The following RUNX1T1 variants were observed in gnomAD, a reference collection of about 807,000 sequenced individuals.
RUNX1T1 encodes the protein RUNX1 partner transcriptional co-repressor 1, also known as protein CBFA2T1.
In RUNX1T1, 4 loss-of-function variants were observed where a neutral mutation model predicts 62.8. The observed-to-expected ratio is 0.06, with a 90% CI of 0.03 to 0.15. The LOEUF is 0.15. RUNX1T1 is among the 10% of genes least tolerant of loss of function. The pLI, the probability that RUNX1T1 is intolerant of heterozygous loss-of-function variation, is 1.00. For synonymous variants in RUNX1T1, 291 were observed against 286.0 expected (o/e 1.02, Z -0.18); for missense variants, 508 against 754.3 (o/e 0.67, Z 3.82).
intron 1 of RUNX1T1, among the ~76,000 whole-genome samples, chr8:92,090,939 G>A (rs998711685): frequency 6.6e-6 from 1 of 152,140 alleles, no homozygotes; most frequent in Non-Finnish European, 1.5e-5. Flanking sequence ...GGTTGGTGAA[G>A]GACAGGCTCA....
intron 1 of RUNX1T1, among the ~76,000 whole-genome samples, chr8:92,018,837 C>A (rs1563769530): frequency 6.6e-6 from 1 of 152,160 alleles, no homozygotes; most frequent in South Asian, 2.1e-4. Flanking sequence ...AGTATTTGCA[C>A]AATAAGCTGT....
intron 1 of RUNX1T1, among the ~76,000 whole-genome samples, chr8:92,024,813 C>T (rs926484505): frequency 2.0e-5 from 3 of 152,092 alleles, no homozygotes; most frequent in African/African-American, 7.2e-5. Context: ...CTTCTTAGAC[C>T]CTTTTCAAAT....
intron 5 of RUNX1T1, 139 bp from the exon 7 acceptor site, chr8:91,992,028 A>C (rs750694411): frequency 1.1e-6 from 1 of 890,520 alleles, no homozygotes; most frequent in Non-Finnish European, 1.7e-6. Context: ...TTCCCAGAAA[A>C]CATACGGGAA....
intron 1 of RUNX1T1, among the ~76,000 whole-genome samples, chr8:92,034,777 CACATATATATATACATATAT>C (rs1427117698): frequency 1.0e-4 from 12 of 118,998 alleles, no homozygotes; most frequent in African/African-American, 2.6e-4. Context: ...CATATATATA[CACATATATATATACATATAT>C]ACACACACAC....
At chr8:92,095,487 G>A in intron 1 of RUNX1T1, 1 of 1,527,926 alleles carries the variant, frequency 6.5e-7, no homozygotes, top group Non-Finnish European at 8.7e-7. Flanking sequence ...GTGAGTGTGT[G>A]AGCGCAGGAG....
At chr8:91,979,153 C>T (rs1177677851) in intron 8 of RUNX1T1, among the ~76,000 whole-genome samples, 1 of 152,000 alleles carries the variant, frequency 6.6e-6, no homozygotes, top group East Asian at 1.9e-4. Flanking sequence ...TATTTGATAC[C>T]TTGATAAACA....
intron 10 of RUNX1T1, among the ~76,000 whole-genome samples, chr8:91,961,555 C>T (rs1393220831): frequency 6.6e-6 from 1 of 152,212 alleles, no homozygotes; most frequent in Admixed American, 6.5e-5. Flanking sequence ...ATAAATGCAT[C>T]ACGAATTAGA....
Position 92,095,858 on chromosome 8 carries a change from G to T in RUNX1T1, c.-86+3722C>A, listed in dbSNP as rs1248756346. Among the ~76,000 whole-genome samples the T allele has an allele frequency of 2.0e-5, 3 of 152,170 alleles. No homozygotes were observed. In the South Asian group the frequency reaches 6.2e-4, roughly 31 times the overall value. ...GCAAACTGTATTTCCCTGCTCCAGG[G>T]CTAGGCTGGAACATGTTCGAGATTC... On this transcript the variant is annotated intron_variant, in intron 1 of 11. Coordinates refer to the RUNX1T1 transcript ENST00000265814.
At chr8:92,041,090 G>A (rs1587244989) in intron 1 of RUNX1T1, among the ~76,000 whole-genome samples, 1 of 152,082 alleles carries the variant, frequency 6.6e-6, no homozygotes, top group Admixed American at 6.5e-5. Context: ...CTTTACATGA[G>A]TTAACTCATT....
chr8:91,982,087 A>G (rs1244482435), intron 8 of RUNX1T1, among the ~76,000 whole-genome samples: 1 of 151,878 alleles, frequency 6.6e-6, no homozygotes, highest in Non-Finnish European at 1.5e-5. Context: ...CCTACAAAAA[A>G]TACAAAAAAA....
At chr8:91,962,478 A>G (rs1442124060) in intron 10 of RUNX1T1, among the ~76,000 whole-genome samples, 2 of 152,216 alleles carry the variant, frequency 1.3e-5, no homozygotes, top group Admixed American at 1.3e-4. Context: ...ACTTCAATTA[A>G]TTTAAGAAAC....
At chr8:91,968,292 C>T (rs1045756938) in intron 10 of RUNX1T1, among the ~76,000 whole-genome samples, 71 of 152,060 alleles carry the variant, frequency 4.7e-4, no homozygotes, top group African/African-American at 1.5e-3. Context: ...AGGGGGCGCT[C>T]GTAATAATTA....
At chr8:92,067,908 A>G (rs1833108436), upstream of RUNX1T1, among the ~76,000 whole-genome samples, 1 of 152,212 alleles carries the variant, frequency 6.6e-6, no homozygotes, top group Non-Finnish European at 1.5e-5. Context: ...AATTTTTTGA[A>G]ATGCTATAAC....
At chr8:92,075,494 T>G (rs535050460) in intron 2 of RUNX1T1, among the ~76,000 whole-genome samples, 1 of 152,190 alleles carries the variant, frequency 6.6e-6, no homozygotes, top group African/African-American at 2.4e-5. Context: ...TGCCTAAAAG[T>G]TTTTTAAAAA....
intron 8 of RUNX1T1, among the ~76,000 whole-genome samples, chr8:91,978,340 A>G (rs754371880): frequency 2.0e-5 from 3 of 152,184 alleles, no homozygotes; most frequent in Non-Finnish European, 4.4e-5. Flanking sequence ...ACTGCTGTGA[A>G]GATTGAAGGA....
chr8:92,085,502 T>C (rs1031813795), intron 1 of RUNX1T1, among the ~76,000 whole-genome samples: 7 of 152,240 alleles, frequency 4.6e-5, no homozygotes, highest in Admixed American at 1.3e-4. Context: ...TCAACACACA[T>C]AAATGTTTCA....
At chr8:92,090,553 G>A (rs564038035) in intron 1 of RUNX1T1, among the ~76,000 whole-genome samples, 1 of 152,288 alleles carries the variant, frequency 6.6e-6, no homozygotes, top group South Asian at 2.1e-4. Flanking sequence ...AGGTGGTACT[G>A]AGGAATATAG....
intron 5 of RUNX1T1, among the ~76,000 whole-genome samples, chr8:92,001,914 T>C (rs1433579882): frequency 6.6e-6 from 1 of 152,200 alleles, no homozygotes; most frequent in Non-Finnish European, 1.5e-5. Flanking sequence ...AACAGTTCTT[T>C]TCCCTCTTCC....
exon 11 of RUNX1T1, chr8:91,960,503 A>G (rs1409268559): frequency 6.2e-7 from 1 of 1,614,128 alleles, no homozygotes; most frequent in African/African-American, 1.3e-5. Context: ...CTTTACGGCC[A>G]CAATTCCAGC....
Sources: allele counts gnomAD v4.1 joint callset (sites outside exome capture counted in the v4.1 genomes callset), GRCh38; gene constraint gnomAD v4.1.1; transcripts MANE v1.5; gene names NCBI Gene and HGNC (gene_info 2026-07-23, HGNC 2026-07-21).